TIA1: variants seen among roughly 807,000 people sequenced by gnomAD.
TIA1 encodes TIA1 cytotoxic granule associated RNA binding protein.
TIA1 carries 23 observed loss-of-function variants against 65.9 expected under a neutral mutation model. The ratio of observed to expected loss-of-function variants is 0.35; its 90% CI spans 0.25 to 0.49. The LOEUF (loss-of-function observed/expected upper bound fraction) is 0.49, where lower values mean the gene tolerates loss of function less well. Among genes scored for constraint, TIA1 ranks in the 20% least tolerant of loss-of-function variants. TIA1 has a pLI of 0.98. For synonymous variants in TIA1, 147 were observed against 149.4 expected, an observed-to-expected ratio of 0.98 and a Z score of 0.12; for missense variants, 371 against 477.9, an observed-to-expected ratio of 0.78 and a Z score of 2.09.
chr2:70,213,053 G>C (rs1415499084), intron 12 of TIA1, among the ~76,000 whole-genome samples: 1 of 152,072 alleles, frequency 6.6e-6, no homozygotes, highest in East Asian at 1.9e-4. Context: ...TGTTTAATTT[G>C]GACAGTTTAA....
intron 2 of TIA1, among the ~76,000 whole-genome samples, chr2:70,235,094 G>A (rs908524913): frequency 8.6e-5 from 13 of 151,994 alleles, no homozygotes; most frequent in Non-Finnish European, 7.4e-5. Context: ...TGGGACAAAA[G>A]GATTTCTCTT....
At chr2:70,227,309 T>C (rs767537236) in intron 6 of TIA1, among the ~76,000 whole-genome samples, 1 of 152,168 alleles carries the variant, frequency 6.6e-6, no homozygotes, top group Non-Finnish European at 1.5e-5. Context: ...TAATATTCAA[T>C]AACTGCTTTT....
intron 1 of TIA1, among the ~76,000 whole-genome samples, chr2:70,247,121 T>G (rs1212006614): frequency 6.6e-6 from 1 of 152,122 alleles, no homozygotes; most frequent in Non-Finnish European, 1.5e-5. Context: ...TTAGGGAGTA[T>G]TCATCTACAG....
chr2:70,237,896 T>A (rs1440324267), intron 1 of TIA1, among the ~76,000 whole-genome samples: 6 of 151,428 alleles, frequency 4.0e-5, no homozygotes, highest in Non-Finnish European at 5.9e-5. Flanking sequence ...GTGCGGTGGC[T>A]CATGCCTGTA....
At chr2:70,238,888 C>T (rs1253207831) in intron 1 of TIA1, among the ~76,000 whole-genome samples, 1 of 151,750 alleles carries the variant, frequency 6.6e-6, no homozygotes, top group Non-Finnish European at 1.5e-5. Context: ...CCCGTCTCTA[C>T]AAAAAATAAA....
upstream of TIA1, chr2:70,248,644 G>C (rs1013063184): frequency 1.5e-6 from 1 of 652,140 alleles, no homozygotes; most frequent in Admixed American, 2.8e-5. Context: ...GGGAGCCTAG[G>C]AGCAGCCAGC....
intron 6 of TIA1, chr2:70,225,272 C>A: frequency 8.1e-7 from 1 of 1,233,308 alleles, no homozygotes. Flanking sequence ...TTGATTGGAA[C>A]TACAAGATAT....
At chr2:70,248,202 T>C (rs749453283) in intron 1 of TIA1, among the ~76,000 whole-genome samples, 2 of 152,210 alleles carry the variant, frequency 1.3e-5, no homozygotes, top group African/African-American at 2.4e-5. Context: ...AAGGGATTAA[T>C]TGAGAGGGTT....
chr2:70,248,262 A>C (rs575453164), intron 1 of TIA1, 143 bp downstream of exon 1: 1 of 903,974 alleles, frequency 1.1e-6, no homozygotes, highest in African/African-American at 1.7e-5. Context: ...CTTGGTTGTA[A>C]GCATCCAGGT....
chr2:70,228,485 A>T, intron 5 of TIA1: 1 of 1,267,518 alleles, frequency 7.9e-7, no homozygotes, highest in Non-Finnish European at 1.0e-6. Flanking sequence ...GAATGAAAAC[A>T]GTAATCCCTT....
At chr2:70,218,220 G>GC (rs1319264817) in intron 7 of TIA1, among the ~76,000 whole-genome samples, 5 of 152,234 alleles carry the variant, frequency 3.3e-5, no homozygotes, top group Admixed American at 2.6e-4. Flanking sequence ...AAGCCTGACA[G>GC]CAATAGGAGA....
At chr2:70,234,391 G>A (rs1687862019) in intron 2 of TIA1, among the ~76,000 whole-genome samples, 1 of 152,026 alleles carries the variant, frequency 6.6e-6, no homozygotes, top group African/African-American at 2.4e-5. Context: ...CTTTCTCTAT[G>A]GGTACATGGA....
chr2:70,224,289 C>A (rs1043774524), intron 7 of TIA1: 2 of 420,576 alleles, frequency 4.8e-6, no homozygotes, highest in Non-Finnish European at 8.6e-6. Flanking sequence ...TGAATTAAAT[C>A]CATAAATGAG....
chr2:70,220,623 C>A (rs2104113133), intron 7 of TIA1, among the ~76,000 whole-genome samples: 1 of 151,974 alleles, frequency 6.6e-6, no homozygotes, highest in Non-Finnish European at 1.5e-5. Context: ...TTCACGCCTC[C>A]AAAACATTGA....
chr2:70,209,701 A>G lies in TIA1; in HGVS notation c.*3018T>C, dbSNP rs976500466. ...TTAAGATTGACGATTTCGTGAAATA[A>G]AGAACATTATTTGAGAGAAAAAAAC... is the stretch of plus-strand genomic sequence containing the variant. On this transcript the variant is annotated 3_prime_UTR_variant, in exon 13 of 13. Coordinates refer to ENST00000433529, the MANE Select transcript of TIA1 (RefSeq NM_022173.4). 2 of 398,288 alleles carry G rather than the reference A, an allele frequency of 5.0e-6. No homozygotes were observed. The highest frequency in any genetic ancestry group is 4.1e-5 in the African/African-American group (2 of 48,638). 24.7% of individuals were successfully genotyped at this position (398,288 alleles called of 1,614,324 possible).
intron 12 of TIA1, among the ~76,000 whole-genome samples, chr2:70,213,512 A>G (rs1330989209): frequency 6.6e-6 from 1 of 150,966 alleles, no homozygotes; most frequent in Non-Finnish European, 1.5e-5. Context: ...TGCCTGGCTA[A>G]TTTTTTTTGT....
intron 1 of TIA1, among the ~76,000 whole-genome samples, chr2:70,247,490 G>T (rs192636496): frequency 6.6e-6 from 1 of 152,146 alleles, no homozygotes; most frequent in Non-Finnish European, 1.5e-5. Flanking sequence ...GCTATGTCAA[G>T]AACTCATTGA....
chr2:70,234,083 C>T (rs1418396116), intron 2 of TIA1, among the ~76,000 whole-genome samples: 1 of 152,180 alleles, frequency 6.6e-6, no homozygotes, highest in African/African-American at 2.4e-5. Flanking sequence ...AATGATCTTT[C>T]CCCAGGGAAA....
Position 70,248,488 on chromosome 2 carries a change from C to G in TIA1, c.-58G>C, listed in dbSNP as rs758436960. 64 of 1,600,240 alleles carry G rather than the reference C, an allele frequency of 4.0e-5. 1 individual carries two copies. In the South Asian group the frequency reaches 6.5e-4, roughly 16 times the overall value. ...CAGCTCCCTGCCCTTCACTACCTCCCAAATCGTTTAAGCGGTTATGGCTAC... is the reference window on the plus strand; with the variant it reads ...CAGCTCCCTGCCCTTCACTACCTCCGAAATCGTTTAAGCGGTTATGGCTAC... On this transcript the variant is annotated 5_prime_UTR_variant, in exon 1 of 13. Coordinates refer to ENST00000433529, the MANE Select transcript of TIA1 (RefSeq NM_022173.4).
Sources: gnomAD v4.1 joint callset for allele counts (sites outside exome capture counted in the v4.1 genomes callset) on GRCh38, gnomAD v4.1.1 for gene constraint, MANE v1.5 for transcripts, NCBI Gene and HGNC (gene_info 2026-07-23, HGNC 2026-07-21) for gene names.